SAMSN1: variants seen among roughly 807,000 people sequenced by gnomAD.
SAMSN1 encodes SAM domain-containing protein SAMSN-1.
Under a neutral mutation model 42.0 loss-of-function variants are expected in SAMSN1, and 31 were observed. The observed-to-expected ratio is 0.74, with a 90% CI of 0.55 to 1.00. The LOEUF (loss-of-function observed/expected upper bound fraction) is 1.00, where lower values mean the gene tolerates loss of function less well. Among genes scored for constraint, SAMSN1 ranks in the 50% least tolerant of loss-of-function variants. SAMSN1 has a pLI of 0.00. For missense variants in SAMSN1, 464 were observed against 439.4 expected (o/e 1.06, Z -0.50); for synonymous variants, 178 against 151.9 (o/e 1.17, Z -1.26).
chr21:14,547,876 A>G (rs1279300475), upstream of SAMSN1, among the ~76,000 whole-genome samples: 1 of 152,218 alleles, frequency 6.6e-6, no homozygotes, highest in East Asian at 1.9e-4. Context: ...ATTATGGTTA[A>G]TATGCCTATT....
intron 5 of SAMSN1, among the ~76,000 whole-genome samples, chr21:14,505,599 A>G (rs568317645): frequency 6.6e-6 from 1 of 152,318 alleles, no homozygotes; most frequent in South Asian, 2.1e-4. Flanking sequence ...AATTTGTAAA[A>G]CAATTACTAA....
chr21:14,499,807 T>C (rs1374482509), intron 6 of SAMSN1, among the ~76,000 whole-genome samples: 5 of 152,124 alleles, frequency 3.3e-5, no homozygotes, highest in Admixed American at 2.6e-4. Flanking sequence ...ACTAGATAAT[T>C]CAGAAAAAAA....
At chr21:14,532,373 G>T (rs1055183028) in intron 1 of SAMSN1, among the ~76,000 whole-genome samples, 1 of 152,112 alleles carries the variant, frequency 6.6e-6, no homozygotes, top group Admixed American at 6.5e-5. Context: ...TTTATGTGGG[G>T]GCAAATATAT....
chr21:14,503,378 C>T (rs1987260288), intron 5 of SAMSN1, among the ~76,000 whole-genome samples: 1 of 152,080 alleles, frequency 6.6e-6, no homozygotes, highest in African/African-American at 2.4e-5. Flanking sequence ...AAATGGGGTC[C>T]TTAGTCCTAC....
chr21:14,545,362 C>T (rs1187066366), intron 1 of SAMSN1, among the ~76,000 whole-genome samples: 1 of 151,998 alleles, frequency 6.6e-6, no homozygotes, highest in African/African-American at 2.4e-5. Flanking sequence ...TAAAAAAAAT[C>T]TGGACTCAGC....
chr21:14,582,442 G>A, exon 2 of SAMSN1: 1 of 1,518,650 alleles, frequency 6.6e-7, no homozygotes, highest in Non-Finnish European at 8.9e-7. Context: ...TCTTTTCTCG[G>A]GACTTGGTTA....
intron 5 of SAMSN1, 84 bp from the exon 6 acceptor site, chr21:14,500,819 GAGGA>G: frequency 2.8e-6 from 3 of 1,077,830 alleles, no homozygotes; most frequent in Non-Finnish European, 4.2e-6. Flanking sequence ...CTAGAATAAT[GAGGA>G]CATTATGCTA....
chr21:14,583,437 G>GTC (rs915358822), upstream of SAMSN1: 2 of 502,930 alleles, frequency 4.0e-6, no homozygotes, highest in Non-Finnish European at 7.1e-6. Context: ...TCGGAGCCCG[G>GTC]TCTTGAAGGC....
At chr21:14,501,701 A>G (rs1987160500) in intron 5 of SAMSN1, among the ~76,000 whole-genome samples, 1 of 152,216 alleles carries the variant, frequency 6.6e-6, no homozygotes, top group African/African-American at 2.4e-5. Flanking sequence ...AATTCACATA[A>G]AAGTATGTGT....
In SAMSN1 at chr21:14,500,748, A is replaced by G; in HGVS notation, c.562-13T>C. On this transcript the variant is annotated splice_polypyrimidine_tract_variant and intron_variant, in intron 5 of 7. Transcript: ENST00000400566. ...TGATGTCTCCTTTCTAAGGGCAAAG[A>G]AATCCATACACATTAGATTTCAGAG... The G allele has an allele frequency of 6.3e-7, 1 of 1,584,018 alleles. No individual in the cohort carries two copies. The highest frequency in any genetic ancestry group is 2.2e-5 in the East Asian group (1 of 44,720).
intron 1 of SAMSN1, among the ~76,000 whole-genome samples, chr21:14,649,326 T>A (rs1460497212): frequency 6.7e-6 from 1 of 149,802 alleles, no homozygotes; most frequent in Admixed American, 6.6e-5. Context: ...TAATGCTAGA[T>A]GACGAGTTAG....
At chr21:14,621,918 A>G (rs1256792327) in intron 2 of SAMSN1, among the ~76,000 whole-genome samples, 1 of 152,198 alleles carries the variant, frequency 6.6e-6, no homozygotes, top group Non-Finnish European at 1.5e-5. Flanking sequence ...TACCCCTCTG[A>G]GATGAAGCTT....
intron 2 of SAMSN1, among the ~76,000 whole-genome samples, chr21:14,642,259 T>A (rs1983613955): frequency 6.6e-6 from 1 of 152,242 alleles, no homozygotes; most frequent in Non-Finnish European, 1.5e-5. Flanking sequence ...TAGCCAGCAC[T>A]GTTAAACAGG....
upstream of SAMSN1, among the ~76,000 whole-genome samples, chr21:14,549,826 C>A (rs993023265): frequency 6.6e-6 from 1 of 151,940 alleles, no homozygotes; most frequent in Non-Finnish European, 1.5e-5. Flanking sequence ...GAGTAGACTT[C>A]TTTCTATAGT....
chr21:14,610,231 C>T (rs1177790361), intron 4 of SAMSN1, among the ~76,000 whole-genome samples: 1 of 152,098 alleles, frequency 6.6e-6, no homozygotes, highest in Non-Finnish European at 1.5e-5. Context: ...TAATAATTAA[C>T]AGCCCTGGGA....
intron 6 of SAMSN1, among the ~76,000 whole-genome samples, chr21:14,499,279 C>T (rs536761906): frequency 6.6e-5 from 10 of 151,952 alleles, no homozygotes; most frequent in East Asian, 5.8e-4. Context: ...CATAGGTTTC[C>T]GATTTCAAAG....
At chr21:14,559,809 A>G (rs1367076904) in intron 2 of SAMSN1, among the ~76,000 whole-genome samples, 1 of 152,088 alleles carries the variant, frequency 6.6e-6, no homozygotes. Flanking sequence ...CCTGGCCTCA[A>G]AATCCCTCTT....
intron 3 of SAMSN1, chr21:14,615,874 A>G: frequency 2.7e-6 from 1 of 366,866 alleles, no homozygotes. Context: ...AAAAAAAAAA[A>G]AAAAAAAAAA....
chr21:14,526,572 A>T (rs1978874351), intron 1 of SAMSN1, among the ~76,000 whole-genome samples: 1 of 152,230 alleles, frequency 6.6e-6, no homozygotes, highest in Non-Finnish European at 1.5e-5. Context: ...GTTTCATGAT[A>T]TAAAGCTGGC....
Sources: gnomAD v4.1 joint callset for allele counts (sites outside exome capture counted in the v4.1 genomes callset) on GRCh38, gnomAD v4.1.1 for gene constraint, MANE v1.5 for transcripts, NCBI Gene and HGNC (gene_info 2026-07-23, HGNC 2026-07-21) for gene names.